The following FLNB variants were observed in gnomAD, a reference collection of about 807,000 sequenced individuals.
FLNB encodes filamin B.
FLNB carries 111 observed loss-of-function variants against 250.6 expected under a neutral mutation model. The observed-to-expected ratio is 0.44, with a 90% CI of 0.38 to 0.52. FLNB has a LOEUF of 0.52. Among genes scored for constraint, FLNB ranks in the 20% least tolerant of loss-of-function variants. The probability of loss-of-function intolerance (pLI) is 0.00; values close to 1 mark genes in which losing one functional copy is unlikely to be tolerated. For missense variants in FLNB, 2,869 were observed against 3,447.8 expected (o/e 0.83, Z 4.20); for synonymous variants, 1,302 against 1,372.1 (o/e 0.95, Z 1.13).
chr3:58,118,970 A>T lies in FLNB; in HGVS notation c.2844A>T (p.Lys948Asn). Residue 948 changes from lysine (K) to asparagine (N), a missense_variant, in exon 19 of 46, where the codon AAA (lysine) becomes AAT (asparagine). This residue lies in a region of FLNB where 1,348 missense variants were observed against 1,466.7 expected (regional missense o/e 0.92). Transcript: ENST00000295956. Reference sequence around the variant, plus strand: ...CACCGCTGGATCTGAGCAAGATAAAACTCAATGGGCTGGAAAACAGTAAGT... The same window carrying T: ...CACCGCTGGATCTGAGCAAGATAAATCTCAATGGGCTGGAAAACAGTAAGT... ...VAAPLDLSKI[K>N]LNGLENRVEV... 6.2e-7 allele frequency: 1 copy of T among 1,613,578 alleles called. No individual in the cohort carries two copies.
In FLNB at chr3:58,110,045, G is replaced by C; in HGVS notation, c.2359G>C (p.Val787Leu). Reference protein sequence around the residue: ...VSVGIKCDARVLSEDEEDVDF... With the variant: ...VSVGIKCDARLLSEDEEDVDF... ...TGTTGGCATTAAGTGTGATGCCCGG[G>C]TGTTAAGTGAAGATGAGGAAGACGT... The change falls in exon 16 of 46, where the codon GTG becomes CTG. Residue 787 changes from valine (V) to leucine (L), a missense_variant. Coordinates refer to ENST00000295956, the MANE Select transcript of FLNB (RefSeq NM_001457.4). 6.2e-7 allele frequency: 1 copy of C among 1,614,182 alleles called. No individual in the cohort carries two copies.
intron 36 of FLNB, chr3:58,149,649 C>A: frequency 1.6e-6 from 1 of 624,432 alleles, no homozygotes. Flanking sequence ...CCAGGTTCAG[C>A]AGGTTATTTC....
At chr3:58,136,746 C>CTTTGT (rs2097316728) in intron 28 of FLNB, among the ~76,000 whole-genome samples, 2 of 79,798 alleles carry the variant, frequency 2.5e-5, no homozygotes, top group Non-Finnish European at 4.3e-5. Context: ...ACAGGCCATT[C>CTTTGT]TTTTTTTTTT....
chr3:58,087,273 GT>G (rs2097218779), intron 4 of FLNB, among the ~76,000 whole-genome samples: 1 of 152,064 alleles, frequency 6.6e-6, no homozygotes, highest in Admixed American at 6.6e-5. Context: ...TACTTTGCAA[GT>G]ATCTTTTAAG....
rs761213468 is a variant in FLNB, at chr3:58,109,663, A to G, written c.2287A>G (p.Thr763Ala). The stretch of plus-strand genomic sequence containing the variant: ...AAGTGGTCTGAAGGCAAATGAACCT[A>G]CACACTTCACGGTGGACTGTACTGA... The part of the protein sequence containing the change: ...ERSGLKANEP[T>A]HFTVDCTEAG... The change falls in exon 15 of 46, where the codon ACA becomes GCA. Residue 763 changes from threonine (T) to alanine (A), a missense_variant. Around this residue, in one of 5 missense-constraint regions of FLNB, gnomAD observed 1,348 missense variants for 1,466.7 expected, o/e 0.92. Coordinates refer to ENST00000295956, the MANE Select transcript of FLNB (RefSeq NM_001457.4). 1 of 1,614,094 alleles carries G rather than the reference A, an allele frequency of 6.2e-7. No homozygotes were observed. Among genetic ancestry groups the G allele is most frequent in the South Asian group, 1.1e-5 (1 of 91,060 alleles).
At chr3:58,046,029 T>C (rs954035528) in intron 1 of FLNB, among the ~76,000 whole-genome samples, 3 of 146,640 alleles carry the variant, frequency 2.0e-5, no homozygotes, top group Admixed American at 6.8e-5. Flanking sequence ...AAAAAAGACT[T>C]GAGTTGGTTC....
rs752537026 is a variant in FLNB at position 58,155,970 on chromosome 3, G to C, written c.6783G>C (p.Glu2261Asp). Residue 2261 changes from glutamate to aspartate, a missense_variant, in exon 41 of 46, where the codon GAG (glutamate) becomes GAC (aspartate). Physicochemically the swap from Glu to Asp is conservative, Grantham distance 45. Transcript: ENST00000295956. The stretch of plus-strand genomic sequence containing the variant: ...TTCCTGTCCTCATAGGTAACTACGA[G>C]GTGTCCATCAAGTTCAATGATGAGC... ...SYIAQEPGNY[E>D]VSIKFNDEHI... 1 of 1,611,642 alleles carries C rather than the reference G, an allele frequency of 6.2e-7. No individual in the cohort carries two copies.
At chr3:58,032,379 G>A (rs2097132253) in intron 1 of FLNB, among the ~76,000 whole-genome samples, 1 of 152,120 alleles carries the variant, frequency 6.6e-6, no homozygotes, top group Admixed American at 6.6e-5. Flanking sequence ...GTGTTGAAAC[G>A]GCTGAGCTAA....
At chr3:58,131,658 T>C (rs989960947) in intron 25 of FLNB, among the ~76,000 whole-genome samples, 2 of 152,254 alleles carry the variant, frequency 1.3e-5, no homozygotes, top group Non-Finnish European at 2.9e-5. Flanking sequence ...TTTTCCCTCT[T>C]TGAAGAGGAA....
chr3:58,108,525 T>C lies in FLNB; in HGVS notation c.2009T>C (p.Val670Ala), dbSNP rs1413411262. Reference protein sequence around the residue: ...CIVNNLAEFTVDPKDAGKAPL... With the variant: ...CIVNNLAEFTADPKDAGKAPL... ...GTCAACAACCTGGCCGAGTTCACTG[T>C]GGATCCTAAGGATGCTGGAAAAGCT... The change falls in exon 13 of 46, where the codon GTG becomes GCG. Residue 670 changes from valine to alanine, a missense_variant. Coordinates refer to ENST00000295956, the MANE Select transcript of FLNB (RefSeq NM_001457.4). 6.2e-7 allele frequency: 1 copy of C among 1,614,018 alleles called. No homozygotes were observed. The highest frequency in any genetic ancestry group is 8.5e-7 in the Non-Finnish European group (1 of 1,179,972).
At chr3:58,139,424 C>T (rs2097322489) in intron 29 of FLNB, among the ~76,000 whole-genome samples, 1 of 152,158 alleles carries the variant, frequency 6.6e-6, no homozygotes, top group South Asian at 2.1e-4. Context: ...GCACAGCCGA[C>T]AAAGCACCTT....
chr3:58,050,293 G>T (rs190980085), intron 1 of FLNB, among the ~76,000 whole-genome samples: 2 of 152,256 alleles, frequency 1.3e-5, no homozygotes, highest in East Asian at 3.9e-4. Flanking sequence ...CTCCCAAAGT[G>T]CTGGGATTAC....
chr3:58,121,128 A>C, intron 19 of FLNB, 113 bp from the exon 20 acceptor site: 1 of 1,342,012 alleles, frequency 7.5e-7, no homozygotes, highest in Non-Finnish European at 1.1e-6. Flanking sequence ...TGTTGCTTAC[A>C]GTGGAGGCTG....
intron 42 of FLNB, chr3:58,162,516 A>G (rs1190221206): frequency 6.5e-6 from 1 of 152,772 alleles, no homozygotes; most frequent in Non-Finnish European, 1.5e-5. Flanking sequence ...CAAGTGGCCA[A>G]ATAGAGAAAC....
In FLNB at chr3:58,098,807, G is replaced by A. The variant is rs371999821; in HGVS notation, c.1244G>A (p.Arg415Gln). 6.8e-6 allele frequency: 11 copies of A among 1,614,022 alleles called. No individual in the cohort carries two copies. The highest frequency in any genetic ancestry group is 2.2e-5 in the South Asian group (2 of 91,086). The change falls in exon 8 of 46, where the codon CGA becomes CAA. Residue 415 changes from arginine to glutamine, a missense_variant. Transcript: ENST00000295956. ...LVEDKGNQVY[R>Q]CVYKPMQPGP... ...GAAGACAAAGGAAACCAGGTGTATC[G>A]ATGTGTGTACAAACCCATGCAGCCT... is the stretch of plus-strand genomic sequence containing the variant.
At chr3:58,117,426 A>G (rs1000366583) in intron 18 of FLNB, among the ~76,000 whole-genome samples, 5 of 152,062 alleles carry the variant, frequency 3.3e-5, no homozygotes, top group African/African-American at 1.2e-4. Flanking sequence ...TCTCTTTTTT[A>G]GCACTTCAGA....
At chr3:58,152,641 AC>A in intron 38 of FLNB, 1 of 647,460 alleles carries the variant, frequency 1.5e-6, no homozygotes, top group Non-Finnish European at 2.3e-6. Context: ...TTTTGGAGGG[AC>A]ACAAACATTC....
At chr3:58,011,165 G>A (rs553259386) in intron 1 of FLNB, among the ~76,000 whole-genome samples, 3 of 151,974 alleles carry the variant, frequency 2.0e-5, no homozygotes, top group African/African-American at 2.4e-5. Context: ...TGCCCGCCTC[G>A]GCCTCCCAAG....
At chr3:58,017,544 C>T (rs886393293) in intron 1 of FLNB, among the ~76,000 whole-genome samples, 5 of 152,114 alleles carry the variant, frequency 3.3e-5, no homozygotes, top group South Asian at 2.1e-4. Flanking sequence ...TGAGCCATCG[C>T]GCCTGGCCAG....
Sources: gnomAD v4.1 joint callset for allele counts (sites outside exome capture counted in the v4.1 genomes callset) on GRCh38, gnomAD v4.1.1 for gene constraint, gnomAD v4.1.1 regional missense constraint, MANE v1.5 for transcripts, NCBI Gene and HGNC (gene_info 2026-07-23, HGNC 2026-07-21) for gene names.